Variants in AMDHD1 observed in about 807,000 individuals in gnomAD.
The protein encoded by AMDHD1 is amidohydrolase domain containing 1, also known as probable imidazolonepropionase.
A neutral mutation model predicts 44.1 loss-of-function variants in AMDHD1; 45 were observed. The ratio of observed to expected loss-of-function variants is 1.02; its 90% CI spans 0.80 to 1.31. AMDHD1 has a LOEUF of 1.31. AMDHD1 is among the 50% of genes most tolerant of loss of function. The pLI is 0.00. For synonymous variants in AMDHD1, 206 were observed against 205.0 expected (o/e 1.00, Z -0.04); for missense variants, 586 against 552.1 (o/e 1.06, Z -0.61).
intron 7 of AMDHD1, 129 bp from the exon 8 acceptor site, chr12:95,966,219 C>T (rs758817323): frequency 3.2e-5 from 31 of 970,840 alleles, no homozygotes; most frequent in Middle Eastern, 2.9e-4. Flanking sequence ...TTAGATTTTT[C>T]CCATTGCAAC....
chr12:95,954,596 A>C (rs1185136719), intron 2 of AMDHD1, among the ~76,000 whole-genome samples: 1 of 151,922 alleles, frequency 6.6e-6, no homozygotes, highest in Non-Finnish European at 1.5e-5. Context: ...ATAAAATAAA[A>C]TAAAATAAAA....
chr12:95,955,094 T>C (rs994545214), intron 3 of AMDHD1, 119 bp downstream of exon 3: 4 of 997,248 alleles, frequency 4.0e-6, no homozygotes, highest in Non-Finnish European at 6.1e-6. Context: ...ATGGATATTT[T>C]TACTTGCTTG....
At chr12:95,967,028 A>T (rs2080614586) in intron 8 of AMDHD1, among the ~76,000 whole-genome samples, 1 of 152,198 alleles carries the variant, frequency 6.6e-6, no homozygotes, top group African/African-American at 2.4e-5. Flanking sequence ...ACATACCGAG[A>T]CTGGGTAATT....
At chr12:95,949,142 AAAAAAAAAAAAAAAAAAG>A (rs1303688103) in intron 1 of AMDHD1, among the ~76,000 whole-genome samples, 3 of 137,338 alleles carry the variant, frequency 2.2e-5, no homozygotes, top group Non-Finnish European at 3.2e-5. Context: ...AAATAAATTA[AAAAAAAAAAAAAAAAAAG>A]AAAAAAAAAA....
At position 95,966,357 on chromosome 12, in the gene AMDHD1, A is replaced by G. The variant is rs368214286; in HGVS notation, c.1042A>G (p.Met348Val). Residue 348 changes from methionine to valine, a missense_variant, in exon 8 of 9, where the codon ATG (methionine) becomes GTG (valine). Met to Val is a conservative substitution (Grantham distance 21). Transcript: ENST00000266736. ...TCTCTTCCTGCCTTAGCCAATGGTCATGCATCTGGCCTGTGTAAACATGAG... is the reference window on the plus strand; with the variant it reads ...TCTCTTCCTGCCTTAGCCAATGGTCGTGCATCTGGCCTGTGTAAACATGAG... ...NAYCFSMPMV[M>V]HLACVNMRMS... 32 of 1,614,000 alleles carry G rather than the reference A, an allele frequency of 2.0e-5. No homozygotes were observed. Among genetic ancestry groups the G allele is most frequent in the Non-Finnish European group, 2.5e-5 (29 of 1,180,028 alleles).
intron 5 of AMDHD1, among the ~76,000 whole-genome samples, chr12:95,961,035 A>C (rs994041075): frequency 6.6e-6 from 1 of 151,624 alleles, no homozygotes; most frequent in Non-Finnish European, 1.5e-5. Flanking sequence ...AATCCCAGCT[A>C]CTCGGGAGGC....
rs143223993 is a variant in AMDHD1, at chr12:95,960,501, G to A, written c.691G>A (p.Val231Ile). Reference sequence around the variant, plus strand: ...GGAAATACACGTGGACAATATAGACGTATTTTGTGAGAAAGGTGTCTTTGA... The same window carrying A: ...GGAAATACACGTGGACAATATAGACATATTTTGTGAGAAAGGTGTCTTTGA... ...NGEIHVDNID[V>I]FCEKGVFDLD... The change falls in exon 5 of 9, where the codon GTA becomes ATA. Residue 231 changes from valine (V) to isoleucine (I), a missense_variant. Coordinates refer to ENST00000266736, the MANE Select transcript of AMDHD1 (RefSeq NM_152435.3). The A allele has an allele frequency of 1.3e-4, 203 of 1,614,126 alleles. No individual in the cohort carries two copies. Among genetic ancestry groups the A allele is most frequent in the East Asian group, 3.6e-4 (16 of 44,886 alleles).
Position 95,967,745 on chromosome 12 carries a change from T to A in AMDHD1, c.1194-11T>A. 1 of 1,548,754 alleles carries A rather than the reference T, an allele frequency of 6.5e-7. No homozygotes were observed. Among genetic ancestry groups the A allele is most frequent in the Non-Finnish European group, 8.7e-7 (1 of 1,152,256 alleles). On this transcript the variant is annotated splice_polypyrimidine_tract_variant and intron_variant, in intron 8 of 8. Coordinates refer to ENST00000266736, the MANE Select transcript of AMDHD1 (RefSeq NM_152435.3). ...TGAAGTAATATTTGTTGTTTTTTTT[T>A]TTTTTTCTAGATGGGAGCATTTGAT...
In AMDHD1 at chr12:95,968,599, T is replaced by C. The variant is rs1482482641; in HGVS notation, c.*756T>C. On this transcript the variant is annotated 3_prime_UTR_variant, in exon 9 of 9. Transcript: ENST00000266736. ...ATGTTTGCTGTCGCTCTTATTGTTG[T>C]TGTTTCCTTTCAGCCTGGAAGTAGA... The C allele has an allele frequency of 6.6e-6, 1 of 152,250 alleles. No homozygotes were observed. Among genetic ancestry groups the C allele is most frequent in the Non-Finnish European group, 1.5e-5 (1 of 68,036 alleles). The allele number at this position is 152,250 out of a possible 1,614,324, so 9.4% of individuals were successfully genotyped here. A position where few individuals can be genotyped will look rare whatever the true frequency, so the allele number is the denominator to read the frequency against.
chr12:95,954,873 TTTC>T, intron 2 of AMDHD1, 35 bp from the exon 3 acceptor site: 1 of 1,605,864 alleles, frequency 6.2e-7, no homozygotes, highest in Non-Finnish European at 8.5e-7. Context: ...GTGCTCTCTA[TTTC>T]TTAATTGTAA....
chr12:95,954,065 T>A (rs2080538054), intron 2 of AMDHD1, among the ~76,000 whole-genome samples: 1 of 152,236 alleles, frequency 6.6e-6, no homozygotes, highest in Admixed American at 6.5e-5. Flanking sequence ...GAATTGTACC[T>A]GGATAAACAA....
At chr12:95,963,635 C>T (rs540859036) in intron 6 of AMDHD1, among the ~76,000 whole-genome samples, 78 of 152,278 alleles carry the variant, frequency 5.1e-4, no homozygotes, top group African/African-American at 1.4e-3. Context: ...GTATGACCAA[C>T]GTCTTATACA....
rs965615250 is a variant in AMDHD1 at position 95,968,032 on chromosome 12, A to C, written c.*189A>C. ...CATTTAACACATGCATTTGACATATAAACAGGTAAACCTATTGTGATTAAA... is the reference window on the plus strand; with the variant it reads ...CATTTAACACATGCATTTGACATATCAACAGGTAAACCTATTGTGATTAAA... On this transcript the variant is annotated 3_prime_UTR_variant, in exon 9 of 9. Coordinates refer to ENST00000266736, the MANE Select transcript of AMDHD1 (RefSeq NM_152435.3). 1.6e-5 allele frequency: 7 copies of C among 450,420 alleles called. No homozygotes were observed. Among genetic ancestry groups the C allele is most frequent in the Non-Finnish European group, 2.7e-5 (7 of 255,168 alleles). 27.9% of individuals were successfully genotyped at this position (450,420 alleles called of 1,614,324 possible).
chr12:95,963,922 G>A (rs145869549), intron 6 of AMDHD1, among the ~76,000 whole-genome samples: 2,217 of 151,646 alleles, frequency 0.015, 55 homozygotes, highest in African/African-American at 0.05. Flanking sequence ...CCAACTACTC[G>A]GGAGGCTGAG....
intron 7 of AMDHD1, 104 bp from the exon 8 acceptor site, chr12:95,966,244 C>A: frequency 7.5e-7 from 1 of 1,337,760 alleles, no homozygotes; most frequent in Non-Finnish European, 1.0e-6. Context: ...CCAATTCCTC[C>A]TATACCTTTA....
At chr12:95,957,073 TG>T (rs2080555852) in intron 4 of AMDHD1, 111 bp downstream of exon 4, 1 of 1,443,606 alleles carries the variant, frequency 6.9e-7, no homozygotes, top group Admixed American at 2.0e-5. Flanking sequence ...TAGAAGTCTT[TG>T]GAAAGACCTG....
At chr12:95,951,220 C>T (rs1163886635) in intron 1 of AMDHD1, among the ~76,000 whole-genome samples, 1 of 152,152 alleles carries the variant, frequency 6.6e-6, no homozygotes, top group African/African-American at 2.4e-5. Flanking sequence ...TAACAATCCC[C>T]ATTTTTCTCC....
chr12:95,966,400 C>T lies in AMDHD1; in HGVS notation c.1085C>T (p.Ala362Val). Residue 362 changes from alanine to valine, a missense_variant, in exon 8 of 9, where the codon GCC becomes GTC. Coordinates refer to ENST00000266736, the MANE Select transcript of AMDHD1 (RefSeq NM_152435.3). ...AACATGAGAATGTCCATGCCTGAGG[C>T]CTTGGCCGCTGCCACCATCAATGCA... is the stretch of plus-strand genomic sequence containing the variant. ...CVNMRMSMPE[A>V]LAAATINAAY... The T allele has an allele frequency of 6.2e-7, 1 of 1,614,236 alleles. No homozygotes were observed. Among genetic ancestry groups the T allele is most frequent in the Non-Finnish European group, 8.5e-7 (1 of 1,180,042 alleles).
At chr12:95,953,632 A>G (rs928490035) in intron 2 of AMDHD1, among the ~76,000 whole-genome samples, 6 of 152,166 alleles carry the variant, frequency 3.9e-5, no homozygotes, top group Admixed American at 2.0e-4. Context: ...CCAAGGCTGG[A>G]GGGCAGTGGT....
Sources: gnomAD v4.1 joint callset for allele counts (sites outside exome capture counted in the v4.1 genomes callset) on GRCh38, gnomAD v4.1.1 for gene constraint, MANE v1.5 for transcripts, NCBI Gene and HGNC (gene_info 2026-07-23, HGNC 2026-07-21) for gene names.